CCDC47: variants seen among roughly 807,000 people sequenced by gnomAD.
The protein encoded by CCDC47 is coiled-coil domain containing 47.
In CCDC47, 41 loss-of-function variants were observed where a neutral mutation model predicts 60.5. The observed-to-expected ratio is 0.68, with a 90% CI of 0.53 to 0.88. The LOEUF is 0.88. CCDC47 is among the 40% of genes least tolerant of loss of function. CCDC47 has a pLI of 0.00. For missense variants in CCDC47, 513 were observed against 580.9 expected, an observed-to-expected ratio of 0.88 and a Z score of 1.20; for synonymous variants, 195 against 190.7, an observed-to-expected ratio of 1.02 and a Z score of -0.18.
chr17:63,769,261 A>AC (rs1455584130), intron 1 of CCDC47, among the ~76,000 whole-genome samples: 14 of 151,532 alleles, frequency 9.2e-5, no homozygotes, highest in Non-Finnish European at 1.3e-4. Context: ...GAAAAAAAAA[A>AC]AACAAAATGT....
chr17:63,763,924 G>A, intron 4 of CCDC47, 92 bp downstream of exon 4: 2 of 906,050 alleles, frequency 2.2e-6, no homozygotes, highest in Non-Finnish European at 3.1e-6. Context: ...GGTATTCCAT[G>A]AAAGCAGTTA....
chr17:63,752,792 G>A lies in CCDC47; in HGVS notation c.1042C>T (p.Gln348Ter). 1.2e-6 allele frequency: 2 copies of A among 1,611,102 alleles called. No homozygotes were observed. Among genetic ancestry groups the A allele is most frequent in the Non-Finnish European group, 1.7e-6 (2 of 1,178,746 alleles). The part of the protein sequence containing the change: ...SGPKIMQEEG[Q>*]PLKLPDTKRT... ...TTAGTGTCAGGTAGCTTTAAAGGCT[G>A]ACCTTCCCTGTCATAAAAGAAAAGG... is the stretch of plus-strand genomic sequence containing the variant. The change falls in exon 10 of 13, where the codon CAG becomes TAG. Residue 348 changes from glutamine to a stop codon, truncating the protein, a stop_gained. Transcript: ENST00000225726. LOFTEE classifies it high-confidence loss of function.
chr17:63,752,284 G>T (rs753941962), intron 11 of CCDC47, 36 bp downstream of exon 11: 1 of 1,503,584 alleles, frequency 6.7e-7, no homozygotes, highest in South Asian at 1.2e-5. Context: ...AACAAAAAAA[G>T]GTGCCAATTT....
Position 63,760,900 on chromosome 17 carries a change from G to A in CCDC47, c.735+14C>T. The A allele has an allele frequency of 6.3e-7, 1 of 1,588,624 alleles. No individual in the cohort carries two copies. The highest frequency in any genetic ancestry group is 8.6e-7 in the Non-Finnish European group (1 of 1,159,454). ...TCAGTCTGTACACAGAAAACCAGCG[G>A]GAAGAATACATACCACTTGATCACT... On this transcript the variant is annotated intron_variant, in intron 6 of 12. Transcript: ENST00000225726.
chr17:63,769,546 G>T (rs2039320937), intron 1 of CCDC47, among the ~76,000 whole-genome samples: 1 of 150,164 alleles, frequency 6.7e-6, no homozygotes, highest in Non-Finnish European at 1.5e-5. Flanking sequence ...TCAGGAGGTG[G>T]AGGTTGCAGT....
At position 63,746,851 on chromosome 17, in the gene CCDC47, G is replaced by T; in HGVS notation, c.*30C>A. 1 of 1,472,180 alleles carries T rather than the reference G, an allele frequency of 6.8e-7. No homozygotes were observed. Among genetic ancestry groups the T allele is most frequent in the Non-Finnish European group, 9.5e-7 (1 of 1,051,066 alleles). The allele number at this position is 1,472,180 out of a possible 1,614,324, so 91.2% of individuals were successfully genotyped here. On this transcript the variant is annotated 3_prime_UTR_variant, in exon 13 of 13. Coordinates refer to ENST00000225726, the MANE Select transcript of CCDC47 (RefSeq NM_020198.3). ...TCCTGTGAATTCAGAGCTTACAGGT[G>T]GCATCAGAACTCAAATCTCTGGGAT...
At chr17:63,757,012 G>A (rs2144481646) in intron 6 of CCDC47, among the ~76,000 whole-genome samples, 1 of 152,128 alleles carries the variant, frequency 6.6e-6, no homozygotes, top group East Asian at 1.9e-4. Context: ...CTACCTGGGA[G>A]GCTGAGGCAT....
chr17:63,771,877 T>C (rs768020121), intron 1 of CCDC47, among the ~76,000 whole-genome samples: 16 of 151,614 alleles, frequency 1.1e-4, no homozygotes, highest in Non-Finnish European at 2.4e-4. Context: ...AGGTCAGGAG[T>C]TCGAGACCAG....
intron 4 of CCDC47, 66 bp from the exon 5 acceptor site, chr17:63,761,417 C>G: frequency 1.3e-6 from 2 of 1,584,822 alleles, no homozygotes; most frequent in Non-Finnish European, 1.7e-6. Flanking sequence ...GGTGGTGGCT[C>G]ACGCCTATAA....
intron 1 of CCDC47, among the ~76,000 whole-genome samples, chr17:63,772,035 T>A (rs1023103320): frequency 6.6e-6 from 1 of 151,918 alleles, no homozygotes; most frequent in Non-Finnish European, 1.5e-5. Flanking sequence ...TGAGCCAAGA[T>A]TGCGCCACTG....
rs763719531 is a variant in CCDC47, at chr17:63,756,465, A to C, written c.837+4T>G. ...TATATTTGAGTTGGAGCAACCTGAC[A>C]TACCAAATCCTGCATCTCTTTCTGT... On this transcript the variant is annotated splice_donor_region_variant and intron_variant, in intron 7 of 12. Transcript: ENST00000225726. 4 of 1,612,506 alleles carry C rather than the reference A, an allele frequency of 2.5e-6. No homozygotes were observed. The highest frequency in any genetic ancestry group is 1.7e-5 in the Admixed American group (1 of 60,000).
intron 6 of CCDC47, among the ~76,000 whole-genome samples, chr17:63,759,769 T>C (rs1218854326): frequency 2.0e-5 from 3 of 150,468 alleles, no homozygotes; most frequent in Admixed American, 6.6e-5. Context: ...TAATTATTTA[T>C]TGAAAGAATG....
chr17:63,759,579 A>G (rs1434258352), intron 6 of CCDC47, among the ~76,000 whole-genome samples: 1 of 108,846 alleles, frequency 9.2e-6, no homozygotes, highest in Non-Finnish European at 1.9e-5. Flanking sequence ...ATATATATAA[A>G]ACAATGATTT....
intron 9 of CCDC47, 98 bp downstream of exon 9, chr17:63,754,335 C>T (rs1196739231): frequency 4.1e-6 from 3 of 735,586 alleles, no homozygotes; most frequent in Admixed American, 5.1e-5. Context: ...ACTTCCTTCA[C>T]ACATTTGGTA....
chr17:63,765,789 A>T, intron 2 of CCDC47, 123 bp downstream of exon 2: 1 of 1,345,728 alleles, frequency 7.4e-7, no homozygotes, highest in Non-Finnish European at 1.0e-6. Context: ...GAAGAGCTCT[A>T]CCTAGTGAAT....
At chr17:63,747,750 A>AT (rs2039131384) in intron 12 of CCDC47, 1 of 985,356 alleles carries the variant, frequency 1.0e-6, no homozygotes. Context: ...ATAGGGAAGA[A>AT]AAGAAGAAGT....
intron 6 of CCDC47, among the ~76,000 whole-genome samples, chr17:63,757,978 T>C (rs2039220367): frequency 6.6e-6 from 1 of 152,154 alleles, no homozygotes; most frequent in East Asian, 1.9e-4. Flanking sequence ...GAGGACGAAA[T>C]TGAGTTCTAC....
intron 8 of CCDC47, among the ~76,000 whole-genome samples, chr17:63,755,883 GCT>G (rs1295907987): frequency 1.4e-5 from 2 of 146,704 alleles, no homozygotes; most frequent in Non-Finnish European, 3.0e-5. Flanking sequence ...AAGGAGGAGG[GCT>G]CTCTACACAT....
chr17:63,764,239 G>A, intron 3 of CCDC47, 49 bp from the exon 4 acceptor site: 1 of 1,334,852 alleles, frequency 7.5e-7, no homozygotes. Context: ...ACTGAAGAAT[G>A]AAATCTACCT....
Sources: allele counts gnomAD v4.1 joint callset (sites outside exome capture counted in the v4.1 genomes callset), GRCh38; gene constraint gnomAD v4.1.1; transcripts MANE v1.5; gene names NCBI Gene and HGNC (gene_info 2026-07-23, HGNC 2026-07-21).